The following BLK variants were observed in gnomAD, a reference collection of about 807,000 sequenced individuals.
The protein encoded by BLK is tyrosine-protein kinase Blk.
BLK carries 64 observed loss-of-function variants against 61.8 expected under a neutral mutation model. That is an observed-to-expected ratio of 1.03 (90% confidence interval 0.85 to 1.27). The LOEUF is 1.27. Among genes scored for constraint, BLK ranks in the 50% most tolerant of loss-of-function variants. The probability of loss-of-function intolerance (pLI) is 0.00; values close to 1 mark genes in which losing one functional copy is unlikely to be tolerated. For missense variants in BLK, 853 were observed against 660.5 expected (o/e 1.29, Z -3.19); for synonymous variants, 351 against 272.0 (o/e 1.29, Z -2.86).
At chr8:11,521,742 C>A (rs1246715199) in intron 1 of BLK, among the ~76,000 whole-genome samples, 3 of 152,246 alleles carry the variant, frequency 2.0e-5, no homozygotes, top group African/African-American at 7.2e-5. Flanking sequence ...CCGGCATGTG[C>A]ATGAGGGTCC....
chr8:11,533,004 G>C (rs1034512357), intron 1 of BLK, among the ~76,000 whole-genome samples: 12 of 152,234 alleles, frequency 7.9e-5, no homozygotes, highest in Non-Finnish European at 1.8e-4. Flanking sequence ...TATGTCTGCT[G>C]TCAGGGCTAC....
chr8:11,495,604 T>G (rs1798335241), intron 1 of BLK, among the ~76,000 whole-genome samples: 1 of 152,120 alleles, frequency 6.6e-6, no homozygotes, highest in Non-Finnish European at 1.5e-5. Context: ...CTGGGGAAGA[T>G]TCCACAACAT....
chr8:11,556,467 T>G (rs1801229050), intron 8 of BLK, 191 bp from the exon 9 acceptor site: 1 of 680,726 alleles, frequency 1.5e-6, no homozygotes, highest in Non-Finnish European at 2.6e-6. Flanking sequence ...CTCCACTGCC[T>G]GAGGCCCCAT....
intron 1 of BLK, among the ~76,000 whole-genome samples, chr8:11,514,589 C>T (rs572563601): frequency 3.3e-5 from 5 of 152,108 alleles, no homozygotes; most frequent in Non-Finnish European, 7.4e-5. Flanking sequence ...TGCTCCCAGC[C>T]GAAGCTGCCA....
At chr8:11,541,028 G>A (rs1476334184) in intron 1 of BLK, among the ~76,000 whole-genome samples, 1 of 152,188 alleles carries the variant, frequency 6.6e-6, no homozygotes, top group Non-Finnish European at 1.5e-5. Flanking sequence ...TACTTTGGGA[G>A]GCTGAGATGG....
intron 1 of BLK, among the ~76,000 whole-genome samples, chr8:11,519,342 G>A (rs991446922): frequency 7.2e-5 from 11 of 152,162 alleles, no homozygotes; most frequent in Admixed American, 1.3e-4. Flanking sequence ...CAGAAGCTCC[G>A]AAACAGTTCC....
intron 1 of BLK, among the ~76,000 whole-genome samples, chr8:11,501,764 C>G (rs1298529751): frequency 6.6e-6 from 1 of 152,234 alleles, no homozygotes; most frequent in Non-Finnish European, 1.5e-5. Context: ...TTGGCACAAA[C>G]ACTGAAATGT....
rs1398254388 is a variant in BLK at position 11,494,535 on chromosome 8, T to C, written c.-58T>C. ...CGTTGTCGCTAGGAGCCTGCTCCAC[T>C]GTAAGGGTGTCAGGATCTGAAGAGC... On this transcript the variant is annotated 5_prime_UTR_variant, in exon 1 of 13. Transcript: ENST00000259089. The C allele has an allele frequency of 1.3e-5, 2 of 152,296 alleles. No homozygotes were observed. The highest frequency in any genetic ancestry group is 2.4e-5 in the African/African-American group (1 of 41,474). 9.4% of individuals were successfully genotyped at this position (152,296 alleles called of 1,614,324 possible).
rs957025345 is a variant in BLK at position 11,564,492 on chromosome 8, C to A, written c.*384C>A. The A allele has an allele frequency of 4.5e-5, 23 of 513,744 alleles. No individual in the cohort carries two copies. Among genetic ancestry groups the A allele is most frequent in the Middle Eastern group, 5.8e-4 (2 of 3,454 alleles). The allele number at this position is 513,744 out of a possible 1,614,324, so 31.8% of individuals were successfully genotyped here. On this transcript the variant is annotated 3_prime_UTR_variant, in exon 13 of 13. Coordinates refer to ENST00000259089, the MANE Select transcript of BLK (RefSeq NM_001715.3). ...GCCCTGCGTGGACCCCGCCCTGCCC[C>A]GCTACAGAAGCCAGACTGGGTCCCG...
At chr8:11,496,562 T>C (rs2117224661) in intron 1 of BLK, among the ~76,000 whole-genome samples, 1 of 152,290 alleles carries the variant, frequency 6.6e-6, no homozygotes, top group East Asian at 1.9e-4. Context: ...TTTTTGAGCC[T>C]TTGCTCTGTG....
chr8:11,554,994 GAAAGATTATCCC>G, intron 7 of BLK, 105 bp downstream of exon 7: 1 of 1,501,480 alleles, frequency 6.7e-7, no homozygotes, highest in Non-Finnish European at 9.0e-7. Context: ...TTGGGGGATG[GAAAGATTATCCC>G]AAAGTTAGGC....
At chr8:11,506,128 G>C (rs1353335566) in intron 1 of BLK, among the ~76,000 whole-genome samples, 2 of 152,238 alleles carry the variant, frequency 1.3e-5, no homozygotes, top group Non-Finnish European at 2.9e-5. Context: ...CTGGAGAGCT[G>C]AGTGCTTTTC....
At chr8:11,516,773 G>GT (rs1799245898) in intron 1 of BLK, among the ~76,000 whole-genome samples, 1 of 152,160 alleles carries the variant, frequency 6.6e-6, no homozygotes, top group African/African-American at 2.4e-5. Context: ...TCCTTCCTTT[G>GT]TAAGACTGGA....
chr8:11,512,233 A>T (rs568301589), intron 1 of BLK, among the ~76,000 whole-genome samples: 1 of 152,306 alleles, frequency 6.6e-6, no homozygotes, highest in Admixed American at 6.5e-5. Context: ...TGTGTGGATG[A>T]CCTCGTGAAC....
intron 1 of BLK, among the ~76,000 whole-genome samples, chr8:11,518,076 G>T (rs1223559802): frequency 6.6e-6 from 1 of 152,182 alleles, no homozygotes; most frequent in Non-Finnish European, 1.5e-5. Context: ...GGGAACCGAG[G>T]CTGGGAGGGG....
intron 1 of BLK, among the ~76,000 whole-genome samples, chr8:11,498,792 C>G (rs949155703): frequency 2.6e-5 from 4 of 152,160 alleles, no homozygotes; most frequent in African/African-American, 9.7e-5. Flanking sequence ...TTGATAATAG[C>G]ACATCACAGG....
At chr8:11,498,191 G>T (rs1204269731) in intron 1 of BLK, among the ~76,000 whole-genome samples, 1 of 152,216 alleles carries the variant, frequency 6.6e-6, no homozygotes, top group East Asian at 1.9e-4. Flanking sequence ...ACACACCTGG[G>T]ATGCAAAATG....
chr8:11,546,113 G>A lies in BLK; in HGVS notation c.175+10G>A, dbSNP rs766564806. On this transcript the variant is annotated intron_variant, in intron 3 of 12. Transcript: ENST00000259089. The stretch of plus-strand genomic sequence containing the variant: ...GAACACCTGGATGAAGGTAAGAAGG[G>A]TGGTTTGGGAAGCTGAGGCTCCACA... 2 of 1,614,076 alleles carry A rather than the reference G, an allele frequency of 1.2e-6. No homozygotes were observed. The highest frequency in any genetic ancestry group is 2.2e-5 in the East Asian group (1 of 44,898).
intron 1 of BLK, among the ~76,000 whole-genome samples, chr8:11,495,728 A>G (rs932365786): frequency 2.0e-5 from 3 of 152,240 alleles, no homozygotes; most frequent in African/African-American, 7.2e-5. Context: ...CGCATCCTGT[A>G]TTGGATCCTA....
Sources: allele counts gnomAD v4.1 joint callset (sites outside exome capture counted in the v4.1 genomes callset), GRCh38; gene constraint gnomAD v4.1.1; transcripts MANE v1.5; gene names NCBI Gene and HGNC (gene_info 2026-07-23, HGNC 2026-07-21).